The following COL23A1 variants were observed in gnomAD, a reference collection of about 807,000 sequenced individuals.
The protein encoded by COL23A1 is collagen alpha-1(XXIII) chain.
Under a neutral mutation model 99.3 loss-of-function variants are expected in COL23A1, and 97 were observed. The ratio of observed to expected loss-of-function variants is 0.98; its 90% CI spans 0.83 to 1.16. The LOEUF is 1.16. Ranked by LOEUF, COL23A1 falls within the 50% of genes most tolerant of loss-of-function variation. The pLI is 0.00. For missense variants in COL23A1, 762 were observed against 757.4 expected, an observed-to-expected ratio of 1.01 and a Z score of -0.07; for synonymous variants, 320 against 308.2, an observed-to-expected ratio of 1.04 and a Z score of -0.40.
intron 2 of COL23A1, among the ~76,000 whole-genome samples, chr5:178,426,067 C>T (rs2127807290): frequency 6.6e-6 from 1 of 152,330 alleles, no homozygotes; most frequent in Non-Finnish European, 1.5e-5. Context: ...CCTGCCGCTT[C>T]CTTCAGTGTC....
chr5:178,488,528 T>C lies in COL23A1; in HGVS notation c.361+72154A>G, dbSNP rs373456578. On this transcript the variant is annotated intron_variant, in intron 2 of 28. Transcript: ENST00000390654. Reference sequence around the variant, plus strand: ...GCCATCAGACGCCAATTATATTCAATGTTTTCCTTAAAATGCAACATGAGA... The same window carrying C: ...GCCATCAGACGCCAATTATATTCAACGTTTTCCTTAAAATGCAACATGAGA... 2.2e-4 allele frequency among the ~76,000 whole-genome samples: 33 copies of C among 152,304 alleles called. No homozygotes were observed. In the East Asian group the frequency reaches 5.6e-3, roughly 26 times the overall value.
At chr5:178,533,248 A>C (rs1220279809) in intron 2 of COL23A1, among the ~76,000 whole-genome samples, 1 of 152,188 alleles carries the variant, frequency 6.6e-6, no homozygotes, top group Non-Finnish European at 1.5e-5. Flanking sequence ...TGCACAATTC[A>C]CTGGCATTAA....
rs186747795 is a variant in COL23A1, at chr5:178,498,468, T to G, written c.361+62214A>C. Among the ~76,000 whole-genome samples the G allele has an allele frequency of 1.6e-3, 247 of 151,560 alleles. 7 individuals carry two copies. The highest frequency in any genetic ancestry group is 3.4e-4 in the Non-Finnish European group (23 of 67,880). The stretch of plus-strand genomic sequence containing the variant: ...ACTAACAATTAGGCTTTGTGCATCT[T>G]ACTATTTATTAAGTTTACTTCAATA... On this transcript the variant is annotated intron_variant, in intron 2 of 28. Transcript: ENST00000390654.
At chr5:178,360,901 C>T (rs1762141514) in intron 2 of COL23A1, among the ~76,000 whole-genome samples, 1 of 151,564 alleles carries the variant, frequency 6.6e-6, no homozygotes, top group Admixed American at 6.6e-5. Context: ...TAACCTCGAG[C>T]AGCTGTGTGG....
rs1303704580 is a variant in COL23A1, at chr5:178,468,996, CAT to C, written c.361+91684_361+91685del. Among the ~76,000 whole-genome samples, 3 of 152,132 alleles carry C rather than the reference CAT, an allele frequency of 2.0e-5. No homozygotes were observed. The highest frequency in any genetic ancestry group is 6.5e-5 in the Admixed American group (1 of 15,294). On this transcript the variant is annotated intron_variant, in intron 2 of 28. Transcript: ENST00000390654. The surrounding 1 kb of genome is among the most constrained non-coding windows in gnomAD (Gnocchi z 4.2). ...ACTGGGTGCCTCACATAAGTGGAAT[CAT>C]ATCGTGTTTGTCCTTCTGTGTGTGG...
At chr5:178,239,528 C>G in intron 27 of COL23A1, among the ~76,000 whole-genome samples, 1 of 151,168 alleles carries the variant, frequency 6.6e-6, no homozygotes, top group Non-Finnish European at 1.5e-5. Context: ...GTGTGGCTTC[C>G]TGTCTGATGT....
intron 2 of COL23A1, among the ~76,000 whole-genome samples, chr5:178,336,017 G>A (rs910286991): frequency 7.2e-5 from 11 of 152,202 alleles, no homozygotes; most frequent in African/African-American, 2.2e-4. Context: ...CAAGTGGCAG[G>A]CTAATGGGGA....
chr5:178,417,188 G>A (rs753458273), intron 2 of COL23A1, among the ~76,000 whole-genome samples: 1 of 152,148 alleles, frequency 6.6e-6, no homozygotes. Context: ...CTTTCCCAAC[G>A]GATGGCTCTT....
At position 178,256,414 on chromosome 5, in the gene COL23A1, T is replaced by A; in HGVS notation, c.838-17A>T. On this transcript the variant is annotated splice_polypyrimidine_tract_variant and intron_variant, in intron 14 of 28. Coordinates refer to ENST00000390654, the MANE Select transcript of COL23A1 (RefSeq NM_173465.4). ...AGGCTCCCCCTGTGGAGACATGCAT[T>A]TGCAGCCAGAGGTGCAGCTGTGAAG... The A allele has an allele frequency of 6.2e-7, 1 of 1,602,506 alleles. No homozygotes were observed. The highest frequency in any genetic ancestry group is 8.5e-7 in the Non-Finnish European group (1 of 1,173,578).
intron 2 of COL23A1, among the ~76,000 whole-genome samples, chr5:178,358,361 T>C (rs1328306816): frequency 2.0e-5 from 3 of 151,580 alleles, no homozygotes; most frequent in African/African-American, 4.9e-5. Flanking sequence ...TGTGTATGTG[T>C]ATGTGTACGT....
At chr5:178,353,015 C>G (rs1454161456) in intron 2 of COL23A1, among the ~76,000 whole-genome samples, 3 of 152,218 alleles carry the variant, frequency 2.0e-5, no homozygotes, top group African/African-American at 7.2e-5. Context: ...ATCTCAAATG[C>G]ACATACGCTT....
intron 2 of COL23A1, among the ~76,000 whole-genome samples, chr5:178,466,128 C>T (rs944179265): frequency 2.0e-5 from 3 of 152,188 alleles, no homozygotes; most frequent in Non-Finnish European, 2.9e-5. Context: ...AGAGGCATTG[C>T]AACGCAAACT....
chr5:178,345,195 AC>A, intron 2 of COL23A1: 1 of 844,890 alleles, frequency 1.2e-6, no homozygotes, highest in Middle Eastern at 2.4e-4. Context: ...TCCAGACTCC[AC>A]CAGATGTGCG....
intron 2 of COL23A1, among the ~76,000 whole-genome samples, chr5:178,429,877 C>A (rs183443259): frequency 1.3e-5 from 2 of 152,278 alleles, no homozygotes; most frequent in East Asian, 3.9e-4. Flanking sequence ...GGCTCTAACC[C>A]CACCTCCCTC....
Position 178,469,940 on chromosome 5 carries a change from G to A in COL23A1, c.361+90742C>T, listed in dbSNP as rs372668560. 6.6e-5 allele frequency among the ~76,000 whole-genome samples: 10 copies of A among 152,238 alleles called. 1 individual carries two copies. The South Asian group carries it at 1.2e-3, about 19-fold the overall frequency. ...ATCTTCCCAGGCACCTCCTCTCACT[G>A]GTCTTTCTCATGGCAATCATCACAG... is the stretch of plus-strand genomic sequence containing the variant. On this transcript the variant is annotated intron_variant, in intron 2 of 28. Transcript: ENST00000390654.
chr5:178,397,542 G>GC (rs962981151), intron 2 of COL23A1, among the ~76,000 whole-genome samples: 21 of 152,318 alleles, frequency 1.4e-4, no homozygotes, highest in South Asian at 1.2e-3. Context: ...CTGTTCACGG[G>GC]CATCCGCCCC....
At position 178,531,794 on chromosome 5, in the gene COL23A1, G is replaced by A. The variant is rs372827228; in HGVS notation, c.361+28888C>T. ...CTGCTAGGCTGCCCTTGCTGCGAGC[G>A]AGTGCATCCTTGCCCATCCTCGGCC... On this transcript the variant is annotated intron_variant, in intron 2 of 28. Transcript: ENST00000390654. Among the ~76,000 whole-genome samples the A allele has an allele frequency of 4.6e-5, 7 of 152,308 alleles. No individual in the cohort carries two copies. The East Asian group carries it at 9.7e-4, about 21-fold the overall frequency.
intron 3 of COL23A1, among the ~76,000 whole-genome samples, chr5:178,300,408 T>G (rs1024642686): frequency 2.6e-5 from 4 of 152,136 alleles, no homozygotes; most frequent in Non-Finnish European, 5.9e-5. Context: ...ATTTCTTTGT[T>G]GATAGTTTTT....
intron 2 of COL23A1, among the ~76,000 whole-genome samples, chr5:178,505,959 G>C (rs574187844): frequency 6.6e-6 from 1 of 151,546 alleles, no homozygotes; most frequent in South Asian, 2.1e-4. Context: ...GTGAGTCTAA[G>C]CAGACCTACA....
Sources: gnomAD v4.1 joint callset for allele counts (sites outside exome capture counted in the v4.1 genomes callset) on GRCh38, gnomAD v4.1.1 for gene constraint, Gnocchi (gnomAD v3.1) non-coding constraint, MANE v1.5 for transcripts, NCBI Gene and HGNC (gene_info 2026-07-23, HGNC 2026-07-21) for gene names.